ROBO2: variants seen among roughly 807,000 people sequenced by gnomAD.
ROBO2 encodes roundabout guidance receptor 2.
A neutral mutation model predicts 160.8 loss-of-function variants in ROBO2; 53 were observed. The ratio of observed to expected loss-of-function variants is 0.33; its 90% CI spans 0.26 to 0.41. The LOEUF (loss-of-function observed/expected upper bound fraction) is 0.41. Among genes scored for constraint, ROBO2 ranks in the 10% least tolerant of loss-of-function variants. The pLI, the probability that ROBO2 is intolerant of heterozygous loss-of-function variation, is 1.00. For missense variants in ROBO2, 1,577 were observed against 1,722.4 expected, an observed-to-expected ratio of 0.92 and a Z score of 1.49; for synonymous variants, 664 against 611.7, an observed-to-expected ratio of 1.09 and a Z score of -1.26.
At chr3:76,655,641 A>C (rs1200312554) in intron 2 of ROBO2, among the ~76,000 whole-genome samples, 1 of 147,898 alleles carries the variant, frequency 6.8e-6, no homozygotes, top group South Asian at 2.1e-4. Flanking sequence ...ATTAAAAATT[A>C]ATGAAAAAAG....
At chr3:77,618,854 T>A (rs2094839226) in intron 22 of ROBO2, among the ~76,000 whole-genome samples, 1 of 152,220 alleles carries the variant, frequency 6.6e-6, no homozygotes, top group South Asian at 2.1e-4. Flanking sequence ...TTAAACGCTG[T>A]TATTTTTCAT....
intron 1 of ROBO2, among the ~76,000 whole-genome samples, chr3:77,050,037 A>G (rs764344693): frequency 1.2e-4 from 19 of 152,210 alleles, no homozygotes; most frequent in Non-Finnish European, 2.1e-4. Flanking sequence ...TATAATACGT[A>G]TATTTCCAAA....
chr3:77,474,324 T>G (rs899847361), intron 2 of ROBO2, among the ~76,000 whole-genome samples: 10 of 152,308 alleles, frequency 6.6e-5, no homozygotes, highest in Admixed American at 2.0e-4. Context: ...GGTACGCTAA[T>G]AAATTTGTGT....
At chr3:76,643,999 G>T (rs2090838253) in intron 2 of ROBO2, among the ~76,000 whole-genome samples, 2 of 152,088 alleles carry the variant, frequency 1.3e-5, no homozygotes, top group South Asian at 4.1e-4. Flanking sequence ...AAACTTTTTT[G>T]TCATATAATT....
intron 2 of ROBO2, among the ~76,000 whole-genome samples, chr3:76,565,290 AT>A (rs1339130677): frequency 1.3e-5 from 2 of 152,128 alleles, no homozygotes; most frequent in African/African-American, 2.4e-5. Context: ...TTGCTTTTCT[AT>A]TTTTTTGGAA....
chr3:77,641,222 G>T (rs935549512), intron 24 of ROBO2, among the ~76,000 whole-genome samples: 2 of 152,102 alleles, frequency 1.3e-5, no homozygotes, highest in Non-Finnish European at 2.9e-5. Flanking sequence ...TTTATCCTCC[G>T]AAACAGAGAC....
intron 2 of ROBO2, among the ~76,000 whole-genome samples, chr3:76,418,410 G>A (rs770731116): frequency 6.6e-6 from 1 of 150,858 alleles, no homozygotes; most frequent in Admixed American, 6.6e-5. Context: ...CCAGCTAATT[G>A]TTGTATTTTT....
At chr3:76,839,741 G>T (rs1405099566) in intron 2 of ROBO2, among the ~76,000 whole-genome samples, 1 of 152,190 alleles carries the variant, frequency 6.6e-6, no homozygotes, top group Non-Finnish European at 1.5e-5. Flanking sequence ...AGTAGGATTG[G>T]TATTAGCTCT....
Position 76,118,944 on chromosome 3 carries a change from A to C in ROBO2, c.109+181342A>C, listed in dbSNP as rs2070598558. Among the ~76,000 whole-genome samples the C allele has an allele frequency of 2.6e-5, 4 of 152,118 alleles. No homozygotes were observed. In the South Asian group the frequency reaches 8.3e-4, roughly 31 times the overall value. On this transcript the variant is annotated intron_variant, in intron 2 of 26. Transcript: ENST00000487694. ...TTGGCTCTTTCACAATATAGGGAAA[A>C]CTTTATGTTAGCAATGTTTTTCTTA... is the stretch of plus-strand genomic sequence containing the variant.
intron 2 of ROBO2, among the ~76,000 whole-genome samples, chr3:76,058,589 C>CTTT (rs10676074): frequency 0.026 from 1,275 of 48,768 alleles, 82 homozygotes; most frequent in African/African-American, 0.042. Flanking sequence ...ACAGCAGAAA[C>CTTT]TTTTTTTTTT....
At chr3:76,337,980 C>T (rs2073995840) in intron 2 of ROBO2, among the ~76,000 whole-genome samples, 1 of 152,072 alleles carries the variant, frequency 6.6e-6, no homozygotes, top group Non-Finnish European at 1.5e-5. Flanking sequence ...GAAGACTGAA[C>T]TTGTTGTTCT....
intron 2 of ROBO2, among the ~76,000 whole-genome samples, chr3:76,003,055 C>G (rs1431909956): frequency 6.6e-6 from 1 of 152,160 alleles, no homozygotes; most frequent in East Asian, 1.9e-4. Context: ...GAAGGCATTT[C>G]AAGGATTCAG....
intron 20 of ROBO2, 54 bp downstream of exon 21, chr3:77,602,545 G>A: frequency 6.3e-7 from 1 of 1,588,334 alleles, no homozygotes; most frequent in Non-Finnish European, 8.6e-7. Flanking sequence ...TTGTGCATGA[G>A]ATAGAAATTA....
intron 2 of ROBO2, among the ~76,000 whole-genome samples, chr3:76,935,034 T>G (rs1247961990): frequency 6.6e-6 from 1 of 151,196 alleles, no homozygotes; most frequent in Non-Finnish European, 1.5e-5. Context: ...CTCACTGCAG[T>G]CTTGACTCCT....
chr3:77,125,297 T>C (rs1467117601), intron 2 of ROBO2, among the ~76,000 whole-genome samples: 2 of 152,170 alleles, frequency 1.3e-5, no homozygotes, highest in Non-Finnish European at 2.9e-5. Context: ...GTGCTGTTTA[T>C]ATAAACCAGG....
chr3:76,197,377 G>A (rs371240119), intron 2 of ROBO2, among the ~76,000 whole-genome samples: 37 of 110,848 alleles, frequency 3.3e-4, no homozygotes, highest in African/African-American at 7.7e-4. Flanking sequence ...CTTTTGGGGA[G>A]TGATAATCCA....
chr3:77,054,928 A>ATGTGTGTGTG (rs574557375), intron 1 of ROBO2, among the ~76,000 whole-genome samples: 20,471 of 112,922 alleles, frequency 0.18, 1,425 homozygotes, highest in Non-Finnish European at 0.24. Context: ...TCTCGCGTGT[A>ATGTGTGTGTG]TGTGTGTGTG....
chr3:77,272,558 A>G (rs2059569090), intron 2 of ROBO2, among the ~76,000 whole-genome samples: 1 of 152,180 alleles, frequency 6.6e-6, no homozygotes, highest in Admixed American at 6.5e-5. Flanking sequence ...GGGGATTACA[A>G]TTTATCATGA....
Position 76,063,515 on chromosome 3 carries a change from A to T in ROBO2, c.109+125913A>T, listed in dbSNP as rs1207874290. 1.2e-3 allele frequency among the ~76,000 whole-genome samples: 171 copies of T among 142,194 alleles called. 1 individual carries two copies. In the Middle Eastern group the frequency reaches 0.018, roughly 15 times the overall value. The allele number at this position is 142,194 out of a possible 152,430, so 93.3% of individuals were successfully genotyped here. A position where few individuals can be genotyped will look rare whatever the true frequency, so the allele number is the denominator to read the frequency against. On this transcript the variant is annotated intron_variant, in intron 2 of 26. Coordinates refer to the ROBO2 transcript ENST00000487694. ...GTTGCCACCACACATGACCAATTTT[A>T]TTTTTTTTTTTGTAGAGATGAGACC...
Sources: allele counts gnomAD v4.1 joint callset (sites outside exome capture counted in the v4.1 genomes callset), GRCh38; gene constraint gnomAD v4.1.1; transcripts MANE v1.5; gene names NCBI Gene and HGNC (gene_info 2026-07-23, HGNC 2026-07-21).